The following NME7 variants were observed in gnomAD, a reference collection of about 807,000 sequenced individuals.
NME7 encodes the protein nucleoside diphosphate kinase 7.
NME7 carries 41 observed loss-of-function variants against 49.1 expected under a neutral mutation model. That is an observed-to-expected ratio of 0.83 (90% confidence interval 0.65 to 1.08). NME7 has a LOEUF of 1.08. Ranked by LOEUF, NME7 falls within the 50% of genes least tolerant of loss-of-function variation. NME7 has a pLI of 0.00. For synonymous variants in NME7, 139 were observed against 150.6 expected (o/e 0.92, Z 0.56); for missense variants, 423 against 463.4 (o/e 0.91, Z 0.80).
chr1:169,309,476 G>A (rs535447154), intron 4 of NME7, among the ~76,000 whole-genome samples: 141 of 152,166 alleles, frequency 9.3e-4, no homozygotes, highest in Non-Finnish European at 6.3e-4. Context: ...ACAATGACCG[G>A]AAGAGGCCAT....
chr1:169,312,983 A>C (rs1651457222), intron 3 of NME7, among the ~76,000 whole-genome samples: 1 of 152,190 alleles, frequency 6.6e-6, no homozygotes, highest in Admixed American at 6.5e-5. Context: ...TTTGTTTACA[A>C]GCATAAAGTG....
At chr1:169,223,018 T>C (rs908011879) in intron 10 of NME7, among the ~76,000 whole-genome samples, 4 of 152,204 alleles carry the variant, frequency 2.6e-5, no homozygotes, top group African/African-American at 7.2e-5. Context: ...GGCCAAAGTA[T>C]CCTGACTTGG....
Position 169,367,777 on chromosome 1 carries a change from T to A in NME7, c.-67A>T, listed in dbSNP as rs569190245. 46 of 1,600,402 alleles carry A rather than the reference T, an allele frequency of 2.9e-5. No homozygotes were observed. Among genetic ancestry groups the A allele is most frequent in the Non-Finnish European group, 8.6e-6 (10 of 1,168,354 alleles). On this transcript the variant is annotated 5_prime_UTR_variant, in exon 1 of 12. An upstream start codon of the reference 5' UTR is lost. Coordinates refer to ENST00000367811, the MANE Select transcript of NME7 (RefSeq NM_013330.5). ...CAGGAAGACACCACCACCACCACCATCATACGGTTACTCAGGCAACAAAGC... is the reference window on the plus strand; with the variant it reads ...CAGGAAGACACCACCACCACCACCAACATACGGTTACTCAGGCAACAAAGC...
At chr1:169,329,760 G>A (rs1056347670) in intron 1 of NME7, among the ~76,000 whole-genome samples, 2 of 152,060 alleles carry the variant, frequency 1.3e-5, no homozygotes, top group Non-Finnish European at 2.9e-5. Context: ...AGAGATAGGG[G>A]TAGAAAGTTT....
intron 1 of NME7, among the ~76,000 whole-genome samples, chr1:169,339,389 G>C (rs1377463114): frequency 6.6e-6 from 1 of 152,170 alleles, no homozygotes; most frequent in African/African-American, 2.4e-5. Context: ...ATTCCAAAAA[G>C]AGAGATGGCT....
intron 11 of NME7, among the ~76,000 whole-genome samples, chr1:169,168,645 G>A (rs762835230): frequency 6.6e-6 from 1 of 152,048 alleles, no homozygotes; most frequent in Non-Finnish European, 1.5e-5. Context: ...ACAGTGTGGA[G>A]GTATGGGGTA....
intron 7 of NME7, among the ~76,000 whole-genome samples, chr1:169,252,993 T>C (rs1279484773): frequency 1.2e-4 from 18 of 149,906 alleles, no homozygotes; most frequent in African/African-American, 4.2e-4. Flanking sequence ...AGTCAGGTAG[T>C]GTGATGCTTC....
chr1:169,204,781 A>T (rs1324848915), intron 10 of NME7, among the ~76,000 whole-genome samples: 1 of 152,122 alleles, frequency 6.6e-6, no homozygotes, highest in Non-Finnish European at 1.5e-5. Flanking sequence ...TAATGCCTTG[A>T]CTACCACTAC....
chr1:169,326,370 G>A (rs534147262), intron 1 of NME7, among the ~76,000 whole-genome samples: 8 of 152,284 alleles, frequency 5.3e-5, no homozygotes, highest in African/African-American at 1.9e-4. Context: ...TCAAAGATTT[G>A]GAGAGCTTTT....
chr1:169,297,642 T>G (rs1309998714), intron 6 of NME7, among the ~76,000 whole-genome samples: 31 of 152,142 alleles, frequency 2.0e-4, no homozygotes, highest in Non-Finnish European at 1.5e-5. Context: ...GATAGAGCAT[T>G]GGAGGCCACA....
chr1:169,295,967 T>A (rs1405736114), intron 6 of NME7, among the ~76,000 whole-genome samples: 1 of 152,126 alleles, frequency 6.6e-6, no homozygotes, highest in Admixed American at 6.6e-5. Context: ...ACCTGCCTAA[T>A]CTCTCCACCT....
In NME7 at chr1:169,352,102, GACA is replaced by G. The variant is rs1326017648; in HGVS notation, c.3+15603_3+15605del. 5.3e-5 allele frequency among the ~76,000 whole-genome samples: 8 copies of G among 150,698 alleles called. No homozygotes were observed. In the South Asian group the frequency reaches 1.0e-3, roughly 20 times the overall value. On this transcript the variant is annotated intron_variant, in intron 1 of 11. Coordinates refer to ENST00000367811, the MANE Select transcript of NME7 (RefSeq NM_013330.5). ...CAGTATTACCCTGATACCAAAACCA[GACA>G]ACAACACATCAAAAAAAAAAGAATG...
chr1:169,322,853 A>G (rs1455245290), intron 3 of NME7, among the ~76,000 whole-genome samples: 1 of 152,202 alleles, frequency 6.6e-6, no homozygotes, highest in Non-Finnish European at 1.5e-5. Flanking sequence ...TAATTCGTTC[A>G]GCTAATACAG....
intron 1 of NME7, among the ~76,000 whole-genome samples, chr1:169,349,723 A>C (rs1557834810): frequency 2.0e-5 from 3 of 152,148 alleles, no homozygotes; most frequent in Non-Finnish European, 4.4e-5. Context: ...AGCTCCTTAC[A>C]AATTTTCCAA....
At chr1:169,364,270 A>C (rs1411548018) in intron 1 of NME7, among the ~76,000 whole-genome samples, 4 of 152,238 alleles carry the variant, frequency 2.6e-5, no homozygotes, top group African/African-American at 9.6e-5. Flanking sequence ...TTTCAACCGA[A>C]TGAGGCAAGT....
intron 7 of NME7, among the ~76,000 whole-genome samples, chr1:169,263,452 T>G (rs1571337937): frequency 7.5e-6 from 1 of 133,424 alleles, no homozygotes; most frequent in African/African-American, 2.5e-5. Context: ...TACAAGAATT[T>G]CATAATGCAA....
intron 7 of NME7, among the ~76,000 whole-genome samples, chr1:169,238,543 C>A (rs1047126483): frequency 6.7e-6 from 1 of 148,472 alleles, no homozygotes; most frequent in African/African-American, 2.5e-5. Context: ...TGGATCTTAC[C>A]GAGTGACCCT....
At chr1:169,262,597 A>G (rs1649198299) in intron 7 of NME7, among the ~76,000 whole-genome samples, 1 of 132,794 alleles carries the variant, frequency 7.5e-6, no homozygotes, top group Admixed American at 7.4e-5. Flanking sequence ...GCAGCAGGGG[A>G]ACACAGAGAA....
chr1:169,143,373 G>A (rs932867460), intron 11 of NME7, among the ~76,000 whole-genome samples: 3 of 144,680 alleles, frequency 2.1e-5, no homozygotes, highest in African/African-American at 7.7e-5. Context: ...CTATTTTCTC[G>A]GCCTGGAGTC....
Sources: allele counts gnomAD v4.1 joint callset (sites outside exome capture counted in the v4.1 genomes callset), GRCh38; gene constraint gnomAD v4.1.1; transcripts MANE v1.5; gene names NCBI Gene and HGNC (gene_info 2026-07-23, HGNC 2026-07-21).